The following BCAS4 variants were observed in gnomAD, a reference collection of about 807,000 sequenced individuals.
BCAS4 encodes the protein breast carcinoma-amplified sequence 4.
A neutral mutation model predicts 15.7 loss-of-function variants in BCAS4; 9 were observed. The observed-to-expected ratio is 0.57, with a 90% confidence interval of 0.34 to 1.00. BCAS4 has a LOEUF of 1.00. Ranked by LOEUF, BCAS4 falls within the 50% of genes least tolerant of loss-of-function variation. The pLI, the probability that BCAS4 is intolerant of heterozygous loss-of-function variation, is 0.02. For missense variants in BCAS4, 225 were observed against 239.1 expected (o/e 0.94, Z 0.39); for synonymous variants, 101 against 99.5 (o/e 1.02, Z -0.09).
chr20:50,822,048 G>T (rs1313846052), intron 2 of BCAS4, among the ~76,000 whole-genome samples: 2 of 152,142 alleles, frequency 1.3e-5, no homozygotes, highest in East Asian at 1.9e-4. Flanking sequence ...TTATTTTGTG[G>T]GCTAGAGCAG....
At chr20:50,852,085 C>T (rs1170618903) in intron 4 of BCAS4, among the ~76,000 whole-genome samples, 5 of 152,206 alleles carry the variant, frequency 3.3e-5, no homozygotes, top group Non-Finnish European at 5.9e-5. Flanking sequence ...CCAGGCCACC[C>T]GGTACGGAGT....
intron 4 of BCAS4, among the ~76,000 whole-genome samples, chr20:50,857,172 C>T (rs1042737830): frequency 4.6e-5 from 7 of 152,184 alleles, no homozygotes; most frequent in Non-Finnish European, 8.8e-5. Flanking sequence ...GCTCTTGTTG[C>T]CCAGGCCGGA....
chr20:50,854,061 G>A (rs1479016455), intron 4 of BCAS4, among the ~76,000 whole-genome samples: 4 of 152,188 alleles, frequency 2.6e-5, no homozygotes, highest in African/African-American at 9.7e-5. Context: ...GGTACGTGGG[G>A]ACTCATCATA....
At chr20:50,809,710 C>T (rs2123759907) in intron 1 of BCAS4, among the ~76,000 whole-genome samples, 1 of 152,202 alleles carries the variant, frequency 6.6e-6, no homozygotes, top group East Asian at 1.9e-4. Context: ...TGGTCATTTT[C>T]ACAATATTGA....
At chr20:50,821,842 G>A (rs914062291) in intron 2 of BCAS4, among the ~76,000 whole-genome samples, 4 of 152,108 alleles carry the variant, frequency 2.6e-5, no homozygotes, top group African/African-American at 9.7e-5. Flanking sequence ...TCTGTTCTGG[G>A]ACCTCTTTTA....
intron 2 of BCAS4, among the ~76,000 whole-genome samples, chr20:50,826,710 G>A (rs1285389888): frequency 6.6e-6 from 1 of 152,074 alleles, no homozygotes; most frequent in African/African-American, 2.4e-5. Flanking sequence ...AATGGCTGAC[G>A]CCTGTAAACC....
In BCAS4 at chr20:50,830,291, A is replaced by G; in HGVS notation, c.175A>G (p.Thr59Ala). The change falls in exon 3 of 5, where the codon ACT becomes GCT. Residue 59 changes from threonine to alanine, a missense_variant. Coordinates refer to ENST00000371608, the MANE Select transcript of BCAS4 (RefSeq NM_198799.4). ...CSLADLIRSD[T>A]SQILEENIPV... ...TTGTTCCTTGCAGATCAGGAGTGAT[A>G]CTTCACAGATCCTGGAGGAAAACAT... 6.2e-7 allele frequency: 1 copy of G among 1,613,866 alleles called. No individual in the cohort carries two copies. Among genetic ancestry groups the G allele is most frequent in the Non-Finnish European group, 8.5e-7 (1 of 1,179,748 alleles).
chr20:50,826,727 T>C (rs1026694205), intron 2 of BCAS4, among the ~76,000 whole-genome samples: 11 of 151,966 alleles, frequency 7.2e-5, no homozygotes, highest in African/African-American at 2.7e-4. Context: ...AACCCAGCAC[T>C]TTGGATTGAG....
intron 4 of BCAS4, among the ~76,000 whole-genome samples, chr20:50,858,151 C>T (rs1978864535): frequency 6.6e-6 from 1 of 152,178 alleles, no homozygotes; most frequent in South Asian, 2.1e-4. Flanking sequence ...CCCTGGTATC[C>T]ATGGGGCTTG....
At chr20:50,869,167 T>A (rs751576832) in intron 4 of BCAS4, among the ~76,000 whole-genome samples, 2 of 152,188 alleles carry the variant, frequency 1.3e-5, no homozygotes, top group African/African-American at 2.4e-5. Context: ...TTAGAAGTAG[T>A]GTCACCTGGT....
At chr20:50,848,950 G>A (rs376246502) in intron 4 of BCAS4, among the ~76,000 whole-genome samples, 9 of 152,374 alleles carry the variant, frequency 5.9e-5, no homozygotes, top group East Asian at 3.9e-4. Context: ...GCCTGCTTGC[G>A]GAGGGCCCCT....
At chr20:50,815,267 C>T (rs974967638) in intron 1 of BCAS4, among the ~76,000 whole-genome samples, 1 of 152,188 alleles carries the variant, frequency 6.6e-6, no homozygotes, top group Non-Finnish European at 1.5e-5. Context: ...CACAGTGCTG[C>T]AGAAACATCT....
At chr20:50,861,993 A>G (rs1005161270) in intron 4 of BCAS4, among the ~76,000 whole-genome samples, 14 of 151,114 alleles carry the variant, frequency 9.3e-5, no homozygotes, top group African/African-American at 3.4e-4. Flanking sequence ...AGCTGGGCCC[A>G]CAGGCACATG....
intron 4 of BCAS4, among the ~76,000 whole-genome samples, chr20:50,843,800 T>G (rs543146251): frequency 9.8e-5 from 15 of 152,338 alleles, no homozygotes; most frequent in African/African-American, 3.6e-4. Flanking sequence ...GTCCTCTCCC[T>G]CAACTTATGG....
At chr20:50,845,592 C>G (rs1398185645) in intron 4 of BCAS4, among the ~76,000 whole-genome samples, 1 of 152,202 alleles carries the variant, frequency 6.6e-6, no homozygotes, top group Non-Finnish European at 1.5e-5. Flanking sequence ...CTCCTGGTCT[C>G]TCCCCCAGGA....
intron 4 of BCAS4, among the ~76,000 whole-genome samples, chr20:50,863,569 A>G (rs1175861108): frequency 2.0e-5 from 3 of 152,018 alleles, no homozygotes; most frequent in African/African-American, 7.2e-5. Flanking sequence ...AGTTGGTGCT[A>G]TTTTCAATAC....
At chr20:50,825,039 T>C (rs370166114) in intron 2 of BCAS4, among the ~76,000 whole-genome samples, 11 of 152,264 alleles carry the variant, frequency 7.2e-5, no homozygotes, top group African/African-American at 2.6e-4. Context: ...CTCCCACTTT[T>C]TAGCTTTGTG....
At chr20:50,810,189 C>T (rs1326535382) in intron 1 of BCAS4, among the ~76,000 whole-genome samples, 1 of 151,390 alleles carries the variant, frequency 6.6e-6, no homozygotes, top group East Asian at 1.9e-4. Context: ...GTGATACTGC[C>T]TGAACTTCCT....
At chr20:50,815,371 G>A (rs1012139681) in intron 1 of BCAS4, among the ~76,000 whole-genome samples, 15 of 152,144 alleles carry the variant, frequency 9.9e-5, no homozygotes, top group East Asian at 5.8e-4. Context: ...CCGTGTCTGC[G>A]TTGTGTGCAC....
Sources: allele counts gnomAD v4.1 joint callset (sites outside exome capture counted in the v4.1 genomes callset), GRCh38; gene constraint gnomAD v4.1.1; transcripts MANE v1.5; gene names NCBI Gene and HGNC (gene_info 2026-07-23, HGNC 2026-07-21).